FIG4: variants seen among roughly 807,000 people sequenced by gnomAD.
The protein encoded by FIG4 is FIG4 phosphoinositide 5-phosphatase, also known as polyphosphoinositide phosphatase.
FIG4 carries 112 observed loss-of-function variants against 118.6 expected under a neutral mutation model. That is an observed-to-expected ratio of 0.94 (90% CI 0.81 to 1.11). The LOEUF (loss-of-function observed/expected upper bound fraction) is 1.11, where lower values mean the gene tolerates loss of function less well. FIG4 is among the 50% of genes least tolerant of loss of function. FIG4 has a pLI of 0.00. For missense variants in FIG4, 969 were observed against 1,111.7 expected (o/e 0.87, Z 1.83); for synonymous variants, 369 against 381.2 (o/e 0.97, Z 0.37).
At chr6:109,699,591 C>T (rs1426858766) in intron 1 of FIG4, among the ~76,000 whole-genome samples, 1 of 151,390 alleles carries the variant, frequency 6.6e-6, no homozygotes, top group Non-Finnish European at 1.5e-5. Context: ...CAGCCTCTGC[C>T]TCCTGGGTTC....
At chr6:109,715,217 C>A (rs768850994) in intron 2 of FIG4, 41 bp downstream of exon 2, 2 of 992,528 alleles carry the variant, frequency 2.0e-6, no homozygotes, top group Admixed American at 3.4e-5. Context: ...AACTTTCATA[C>A]CTGTTGTTTA....
At chr6:109,778,811 G>T (rs573361962) in intron 16 of FIG4, among the ~76,000 whole-genome samples, 6 of 152,158 alleles carry the variant, frequency 3.9e-5, no homozygotes, top group Non-Finnish European at 7.4e-5. Flanking sequence ...GTGTTAGCTA[G>T]GGTGGTCTTG....
rs188035832 is a variant in FIG4 at position 109,767,217 on chromosome 6, G to A, written c.1750+322G>A. Among the ~76,000 whole-genome samples, 15 of 152,108 alleles carry A rather than the reference G, an allele frequency of 9.9e-5. No homozygotes were observed. In the East Asian group the frequency reaches 2.9e-3, roughly 29 times the overall value. ...AGATAAAATTTTTTGAGGGTGTTGA[G>A]TCATTTTTTTAAATAGGGTTCAAAG... is the stretch of plus-strand genomic sequence containing the variant. On this transcript the variant is annotated intron_variant, in intron 15 of 22. Transcript: ENST00000230124.
At chr6:109,692,230 A>G (rs1197562131) in intron 1 of FIG4, among the ~76,000 whole-genome samples, 1 of 152,240 alleles carries the variant, frequency 6.6e-6, no homozygotes, top group African/African-American at 2.4e-5. Context: ...GGTGGAAAGC[A>G]AAGTTGGTAC....
At position 109,738,227 on chromosome 6, in the gene FIG4, G is replaced by A. The variant is rs978401934; in HGVS notation, c.647-98G>A. 8 of 1,015,958 alleles carry A rather than the reference G, an allele frequency of 7.9e-6. No homozygotes were observed. In the African/African-American group the frequency reaches 7.9e-5, roughly 10 times the overall value. 62.9% of individuals were successfully genotyped at this position (1,015,958 alleles called of 1,614,324 possible). The stretch of plus-strand genomic sequence containing the variant: ...AAGTTAACTTAAAAATGAGTTGAAT[G>A]TCAGCCAATTTCCATATCTTTCTGA... On this transcript the variant is annotated intron_variant, in intron 6 of 22. Coordinates refer to ENST00000230124, the MANE Select transcript of FIG4 (RefSeq NM_014845.6).
intron 3 of FIG4, among the ~76,000 whole-genome samples, chr6:109,720,337 C>T (rs935290792): frequency 2.6e-5 from 4 of 152,162 alleles, no homozygotes; most frequent in East Asian, 1.9e-4. Flanking sequence ...TAAAATAACA[C>T]GTGTGAAATG....
chr6:109,796,462 A>G (rs1778290268), intron 21 of FIG4, among the ~76,000 whole-genome samples: 1 of 152,240 alleles, frequency 6.6e-6, no homozygotes, highest in African/African-American at 2.4e-5. Flanking sequence ...TCCTGGCTTC[A>G]GGAACATTTC....
chr6:109,820,903 C>T (rs1028937103), intron 22 of FIG4, among the ~76,000 whole-genome samples: 2 of 152,100 alleles, frequency 1.3e-5, no homozygotes, highest in African/African-American at 4.8e-5. Context: ...AGTGTGTGTG[C>T]AAGAGGAAGA....
At chr6:109,703,291 T>G (rs1774959563) in intron 1 of FIG4, among the ~76,000 whole-genome samples, 1 of 152,162 alleles carries the variant, frequency 6.6e-6, no homozygotes, top group Admixed American at 6.5e-5. Context: ...ATCTTTAGTT[T>G]GAAGCTTGTT....
intron 6 of FIG4, 40 bp downstream of exon 6, chr6:109,735,338 A>G: frequency 1.3e-6 from 2 of 1,546,150 alleles, no homozygotes; most frequent in Non-Finnish European, 1.8e-6. Flanking sequence ...TTAATGTGGT[A>G]TCCATGAAGT....
At chr6:109,811,618 C>T (rs1778722169) in intron 22 of FIG4, among the ~76,000 whole-genome samples, 1 of 152,110 alleles carries the variant, frequency 6.6e-6, no homozygotes. Flanking sequence ...ACAAGATTCC[C>T]CAGGGCCCTT....
intron 21 of FIG4, among the ~76,000 whole-genome samples, chr6:109,795,095 G>GTTGTTTTTTT (rs1778241142): frequency 1.7e-5 from 1 of 57,194 alleles, no homozygotes; most frequent in African/African-American, 5.8e-5. Flanking sequence ...ACACTTGCCA[G>GTTGTTTTTTT]TTTTTTTTTT....
intron 10 of FIG4, among the ~76,000 whole-genome samples, chr6:109,745,593 T>G (rs1210207340): frequency 6.6e-6 from 1 of 152,186 alleles, no homozygotes; most frequent in Non-Finnish European, 1.5e-5. Context: ...ATAGGTTGCC[T>G]GTTTACTCTG....
At position 109,818,844 on chromosome 6, in the gene FIG4, T is replaced by C. The variant is rs1366609139; in HGVS notation, c.2547-6244T>C. 3.3e-5 allele frequency among the ~76,000 whole-genome samples: 5 copies of C among 152,182 alleles called. No homozygotes were observed. The East Asian group carries it at 7.7e-4, about 23-fold the overall frequency. The stretch of plus-strand genomic sequence containing the variant: ...TCAAATCAAAGCACTTGAGTACAAG[T>C]CGCAGGTAGAACCTAAATTGCATTC... On this transcript the variant is annotated intron_variant, in intron 22 of 22. Transcript: ENST00000230124.
chr6:109,718,920 ATTTT>A (rs35555849), intron 3 of FIG4, among the ~76,000 whole-genome samples: 1 of 143,344 alleles, frequency 7.0e-6, no homozygotes. Context: ...ACCTTATTAC[ATTTT>A]TTTTTTTTTT....
At chr6:109,770,407 A>C (rs1470616024) in intron 15 of FIG4, among the ~76,000 whole-genome samples, 3 of 152,168 alleles carry the variant, frequency 2.0e-5, no homozygotes, top group African/African-American at 7.2e-5. Context: ...CGTGTGCATA[A>C]TTTGAATGTA....
intron 15 of FIG4, among the ~76,000 whole-genome samples, chr6:109,776,694 T>C (rs932756778): frequency 1.3e-5 from 2 of 152,250 alleles, no homozygotes; most frequent in African/African-American, 4.8e-5. Context: ...TTCGCTATCA[T>C]CTGTATATTT....
Position 109,738,404 on chromosome 6 carries a change from G to A in FIG4, c.726G>A (p.Val242=). 6.2e-7 allele frequency: 1 copy of A among 1,612,544 alleles called. No individual in the cohort carries two copies. The highest frequency in any genetic ancestry group is 1.7e-5 in the Admixed American group (1 of 59,942). ...TTCTGGATATAATTAAAAGTACTGT[G>A]CATCGTGACTGGCTTTTGTATATTA... ...GELLDIIKST[V]HRDWLLYIIH... The change falls in exon 7 of 23, where the codon GTG becomes GTA. Residue 242 remains valine, a synonymous_variant. Transcript: ENST00000230124.
At chr6:109,701,855 C>A in intron 1 of FIG4, 1 of 425,750 alleles carries the variant, frequency 2.3e-6, no homozygotes, top group Non-Finnish European at 4.9e-6. Flanking sequence ...AGAAACATAG[C>A]GATTATATTA....
Sources: allele counts gnomAD v4.1 joint callset (sites outside exome capture counted in the v4.1 genomes callset), GRCh38; gene constraint gnomAD v4.1.1; transcripts MANE v1.5; gene names NCBI Gene and HGNC (gene_info 2026-07-23, HGNC 2026-07-21).